The following KCNIP4 variants were observed in gnomAD, a reference collection of about 807,000 sequenced individuals.
KCNIP4 encodes the protein Kv channel-interacting protein 4.
KCNIP4 carries 12 observed loss-of-function variants against 34.0 expected under a neutral mutation model. The observed-to-expected ratio is 0.35, with a 90% confidence interval of 0.23 to 0.57. The LOEUF is 0.57. Among genes scored for constraint, KCNIP4 ranks in the 20% least tolerant of loss-of-function variants. The pLI is 0.83. For synonymous variants in KCNIP4, 124 were observed against 102.2 expected, an observed-to-expected ratio of 1.21 and a Z score of -1.29; for missense variants, 238 against 311.7, an observed-to-expected ratio of 0.76 and a Z score of 1.78.
intron 1 of KCNIP4, among the ~76,000 whole-genome samples, chr4:21,296,728 A>G (rs926460862): frequency 2.6e-5 from 4 of 151,982 alleles, no homozygotes; most frequent in African/African-American, 9.7e-5. Context: ...ACTGAAACAC[A>G]CACTTGTTAT....
At chr4:20,981,530 G>A (rs1736064422) in intron 1 of KCNIP4, among the ~76,000 whole-genome samples, 2 of 152,210 alleles carry the variant, frequency 1.3e-5, no homozygotes, top group South Asian at 4.1e-4. Flanking sequence ...GAAAAGCACT[G>A]TGTAGGATTC....
intron 1 of KCNIP4, among the ~76,000 whole-genome samples, chr4:21,121,528 ATTTGGAAGGCAGCATCTTG>A (rs1419559403): frequency 6.6e-6 from 1 of 152,222 alleles, no homozygotes; most frequent in Non-Finnish European, 1.5e-5. Flanking sequence ...ATGCCTTCTC[ATTTGGAAGGCAGCATCTTG>A]TAATGAAGTC....
intron 1 of KCNIP4, among the ~76,000 whole-genome samples, chr4:21,151,945 T>C (rs1221398508): frequency 2.0e-5 from 3 of 152,144 alleles, no homozygotes; most frequent in Non-Finnish European, 2.9e-5. Flanking sequence ...TACTTCTATA[T>C]TGAAGATTAA....
intron 1 of KCNIP4, among the ~76,000 whole-genome samples, chr4:21,937,591 T>C (rs1026075397): frequency 6.6e-6 from 1 of 152,142 alleles, no homozygotes; most frequent in Non-Finnish European, 1.5e-5. Flanking sequence ...CTATTGGGCA[T>C]CTTCTCCACT....
chr4:20,983,372 C>T (rs769038876), intron 1 of KCNIP4, among the ~76,000 whole-genome samples: 2 of 152,232 alleles, frequency 1.3e-5, no homozygotes, highest in South Asian at 4.1e-4. Context: ...AATAAACCAC[C>T]CGGGTTCACC....
intron 1 of KCNIP4, among the ~76,000 whole-genome samples, chr4:21,692,711 A>G (rs1711788374): frequency 6.6e-6 from 1 of 152,180 alleles, no homozygotes. Context: ...AAAAAGTTGA[A>G]AAAAAATAAA....
chr4:21,762,465 T>C (rs1412787464), intron 1 of KCNIP4, among the ~76,000 whole-genome samples: 1 of 152,152 alleles, frequency 6.6e-6, no homozygotes, highest in Non-Finnish European at 1.5e-5. Context: ...TTCCTTATTT[T>C]ATATTTTCCC....
chr4:21,242,519 G>A (rs777921598), intron 1 of KCNIP4, among the ~76,000 whole-genome samples: 1 of 152,140 alleles, frequency 6.6e-6, no homozygotes, highest in African/African-American at 2.4e-5. Flanking sequence ...CTCCATGTGA[G>A]ATTAGCATTG....
chr4:21,157,801 C>T (rs1028238011), intron 1 of KCNIP4, among the ~76,000 whole-genome samples: 1 of 151,616 alleles, frequency 6.6e-6, no homozygotes, highest in Non-Finnish European at 1.5e-5. Context: ...AAATTAAATC[C>T]CCTGTAAGCA....
At chr4:21,126,103 T>G (rs1033067184) in intron 1 of KCNIP4, among the ~76,000 whole-genome samples, 1 of 152,146 alleles carries the variant, frequency 6.6e-6, no homozygotes, top group African/African-American at 2.4e-5. Flanking sequence ...CCTGTAATCT[T>G]TCCAGTCTGG....
intron 3 of KCNIP4, among the ~76,000 whole-genome samples, chr4:20,786,867 T>G: frequency 6.6e-6 from 1 of 152,038 alleles, no homozygotes; most frequent in East Asian, 1.9e-4. Flanking sequence ...GATATAGCCT[T>G]GAACAACTCC....
intron 1 of KCNIP4, among the ~76,000 whole-genome samples, chr4:21,122,463 T>G (rs1000415101): frequency 8.6e-5 from 13 of 151,514 alleles, no homozygotes; most frequent in African/African-American, 2.4e-4. Flanking sequence ...TCAAGTTTTT[T>G]TTTTTTTTTT....
chr4:21,428,490 C>T (rs1224416989), intron 1 of KCNIP4, among the ~76,000 whole-genome samples: 2 of 152,102 alleles, frequency 1.3e-5, no homozygotes, highest in Admixed American at 1.3e-4. Context: ...TTAAAATCAG[C>T]CTGCAGGCTT....
intron 1 of KCNIP4, among the ~76,000 whole-genome samples, chr4:21,553,179 A>G (rs1484669484): frequency 6.6e-6 from 1 of 152,104 alleles, no homozygotes; most frequent in African/African-American, 2.4e-5. Flanking sequence ...ACAAGTTGTG[A>G]GCACAGATCA....
chr4:21,259,918 T>TGTGC, intron 1 of KCNIP4, among the ~76,000 whole-genome samples: 1 of 148,508 alleles, frequency 6.7e-6, no homozygotes, highest in East Asian at 2.0e-4. Context: ...TGTGTGTGTG[T>TGTGC]GTGCACGTGC....
At chr4:21,705,308 G>T (rs957004946) in intron 1 of KCNIP4, among the ~76,000 whole-genome samples, 7 of 152,176 alleles carry the variant, frequency 4.6e-5, no homozygotes, top group African/African-American at 1.7e-4. Flanking sequence ...ATCAATGTTG[G>T]TATCTGAGTT....
intron 3 of KCNIP4, among the ~76,000 whole-genome samples, chr4:20,824,931 T>G (rs1473260415): frequency 6.6e-6 from 1 of 152,220 alleles, no homozygotes; most frequent in Non-Finnish European, 1.5e-5. Flanking sequence ...CTAAATGTGG[T>G]TAGACTCTCT....
chr4:21,080,814 G>A (rs1745940408), intron 1 of KCNIP4, among the ~76,000 whole-genome samples: 1 of 151,786 alleles, frequency 6.6e-6, no homozygotes, highest in African/African-American at 2.4e-5. Context: ...TACCAATGGT[G>A]TTTTCCACTT....
At chr4:20,857,813 G>C (rs1721763744) in intron 2 of KCNIP4, among the ~76,000 whole-genome samples, 1 of 152,032 alleles carries the variant, frequency 6.6e-6, no homozygotes, top group African/African-American at 2.4e-5. Flanking sequence ...TTAATCTACT[G>C]CAGTCTGACT....
Sources: allele counts gnomAD v4.1 joint callset (sites outside exome capture counted in the v4.1 genomes callset), GRCh38; gene constraint gnomAD v4.1.1; transcripts MANE v1.5; gene names NCBI Gene and HGNC (gene_info 2026-07-23, HGNC 2026-07-21).